The following GATAD2B variants were observed in gnomAD, a reference collection of about 807,000 sequenced individuals.
The protein encoded by GATAD2B is transcriptional repressor p66-beta.
A neutral mutation model predicts 64.3 loss-of-function variants in GATAD2B; 8 were observed. That is an observed-to-expected ratio of 0.12 (90% CI 0.07 to 0.22). The LOEUF (loss-of-function observed/expected upper bound fraction) is 0.22. Among genes scored for constraint, GATAD2B ranks in the 10% least tolerant of loss-of-function variants. GATAD2B has a pLI of 1.00. For synonymous variants in GATAD2B, 281 were observed against 271.3 expected, an observed-to-expected ratio of 1.04 and a Z score of -0.35; for missense variants, 453 against 752.0, an observed-to-expected ratio of 0.60 and a Z score of 4.65.
chr1:153,888,664 AAGT>A (rs1677258474), intron 1 of GATAD2B, among the ~76,000 whole-genome samples: 1 of 152,222 alleles, frequency 6.6e-6, no homozygotes, highest in Non-Finnish European at 1.5e-5. Context: ...ACGAAAGAGA[AAGT>A]AGTTTTAGTA....
intron 1 of GATAD2B, among the ~76,000 whole-genome samples, chr1:153,918,312 G>C (rs1312157305): frequency 6.6e-6 from 1 of 152,206 alleles, no homozygotes; most frequent in Non-Finnish European, 1.5e-5. Flanking sequence ...GGACTTCAAG[G>C]CTCTCCACAA....
chr1:153,909,531 A>G (rs1678052532), intron 1 of GATAD2B, among the ~76,000 whole-genome samples: 1 of 151,676 alleles, frequency 6.6e-6, no homozygotes, highest in African/African-American at 2.4e-5. Context: ...GCCAGGCACG[A>G]TGGCTCATGC....
chr1:153,834,561 T>C (rs981440554), intron 1 of GATAD2B, among the ~76,000 whole-genome samples: 3 of 151,938 alleles, frequency 2.0e-5, no homozygotes, highest in Non-Finnish European at 2.9e-5. Flanking sequence ...CAGCTAATTT[T>C]GTATTTTTAG....
chr1:153,897,153 C>A (rs1677623524), intron 1 of GATAD2B, among the ~76,000 whole-genome samples: 2 of 151,876 alleles, frequency 1.3e-5, no homozygotes, highest in South Asian at 4.2e-4. Context: ...CCTCAGCCTC[C>A]CGAGTAGCTG....
intron 1 of GATAD2B, among the ~76,000 whole-genome samples, chr1:153,918,672 C>G (rs1678341969): frequency 6.6e-6 from 1 of 152,088 alleles, no homozygotes; most frequent in Non-Finnish European, 1.5e-5. Flanking sequence ...GATACTAAGG[C>G]CGGGCACAAT....
chr1:153,824,678 A>G (rs911814765), intron 2 of GATAD2B, among the ~76,000 whole-genome samples: 1 of 150,078 alleles, frequency 6.7e-6, no homozygotes, highest in Non-Finnish European at 1.5e-5. Flanking sequence ...CATATACTGT[A>G]TCTATCTGCA....
chr1:153,874,177 G>A (rs372591184), intron 1 of GATAD2B, among the ~76,000 whole-genome samples: 5 of 151,546 alleles, frequency 3.3e-5, no homozygotes, highest in African/African-American at 9.7e-5. Context: ...CAGGAGAATC[G>A]CTTGAACCCA....
chr1:153,861,157 T>C (rs1676266282), intron 1 of GATAD2B, among the ~76,000 whole-genome samples: 1 of 152,166 alleles, frequency 6.6e-6, no homozygotes, highest in African/African-American at 2.4e-5. Flanking sequence ...CGGATCCATA[T>C]ACAAGGAGTC....
intron 1 of GATAD2B, among the ~76,000 whole-genome samples, chr1:153,878,180 T>C (rs1676893847): frequency 6.6e-6 from 1 of 151,960 alleles, no homozygotes; most frequent in African/African-American, 2.4e-5. Flanking sequence ...TTTTTTCTTT[T>C]TTTTTTGAGA....
intron 1 of GATAD2B, among the ~76,000 whole-genome samples, chr1:153,837,457 G>T (rs1417174944): frequency 1.3e-5 from 2 of 151,878 alleles, no homozygotes; most frequent in African/African-American, 4.8e-5. Flanking sequence ...AATGGGAACA[G>T]AGTCTCTGGG....
chr1:153,841,553 TG>T (rs1675497633), intron 1 of GATAD2B, among the ~76,000 whole-genome samples: 1 of 152,252 alleles, frequency 6.6e-6, no homozygotes, highest in African/African-American at 2.4e-5. Flanking sequence ...TCATAGAGTA[TG>T]TAACTTTTAG....
chr1:153,830,897 C>T (rs1262612930), intron 1 of GATAD2B, among the ~76,000 whole-genome samples: 1 of 152,146 alleles, frequency 6.6e-6, no homozygotes, highest in African/African-American at 2.4e-5. Context: ...CACACCTCAG[C>T]CTCCTGAGTA....
intron 1 of GATAD2B, among the ~76,000 whole-genome samples, chr1:153,838,962 T>C (rs542085304): frequency 1.3e-5 from 2 of 151,510 alleles, no homozygotes; most frequent in African/African-American, 4.8e-5. Flanking sequence ...ATACAAAAAT[T>C]GCCGGGTGTG....
At chr1:153,838,506 T>C (rs1181205997) in intron 1 of GATAD2B, among the ~76,000 whole-genome samples, 3 of 151,370 alleles carry the variant, frequency 2.0e-5, no homozygotes, top group Non-Finnish European at 4.4e-5. Context: ...GCCCTGCCTC[T>C]TTTTTTTTCC....
At chr1:153,875,932 C>T (rs912416090) in intron 1 of GATAD2B, among the ~76,000 whole-genome samples, 2 of 151,904 alleles carry the variant, frequency 1.3e-5, no homozygotes, top group South Asian at 2.1e-4. Context: ...TAACTTCATA[C>T]GATTTCACAG....
intron 1 of GATAD2B, among the ~76,000 whole-genome samples, chr1:153,890,359 G>A (rs1051213508): frequency 4.7e-5 from 7 of 148,026 alleles, no homozygotes; most frequent in South Asian, 2.1e-4. Context: ...GTGGTGGCAC[G>A]CACCTGTAGT....
At chr1:153,905,416 T>C (rs1050340844) in intron 1 of GATAD2B, among the ~76,000 whole-genome samples, 5 of 151,108 alleles carry the variant, frequency 3.3e-5, no homozygotes, top group African/African-American at 9.7e-5. Flanking sequence ...AGGGCCTAGG[T>C]GAAATAAAAA....
intron 1 of GATAD2B, among the ~76,000 whole-genome samples, chr1:153,885,664 C>T (rs1289232090): frequency 6.6e-6 from 1 of 151,940 alleles, no homozygotes; most frequent in East Asian, 1.9e-4. Flanking sequence ...AGATTGAGAC[C>T]ATCCTGGCTA....
intron 1 of GATAD2B, among the ~76,000 whole-genome samples, chr1:153,874,866 C>G (rs1421259183): frequency 6.6e-6 from 1 of 151,252 alleles, no homozygotes; most frequent in Non-Finnish European, 1.5e-5. Context: ...TGTGAGCCAC[C>G]ACATCCAGCC....
Sources: gnomAD v4.1 joint callset for allele counts (sites outside exome capture counted in the v4.1 genomes callset) on GRCh38, gnomAD v4.1.1 for gene constraint, MANE v1.5 for transcripts, NCBI Gene and HGNC (gene_info 2026-07-23, HGNC 2026-07-21) for gene names.